DLGAP2: variants seen among roughly 807,000 people sequenced by gnomAD.
The protein encoded by DLGAP2 is DLG associated protein 2.
DLGAP2 carries 26 observed loss-of-function variants against 100.3 expected under a neutral mutation model. The ratio of observed to expected loss-of-function variants is 0.26; its 90% CI spans 0.19 to 0.36. The LOEUF is 0.36. DLGAP2 is among the 10% of genes least tolerant of loss of function. The probability of loss-of-function intolerance (pLI) is 1.00; values close to 1 mark genes in which losing one functional copy is unlikely to be tolerated. For missense variants in DLGAP2, 1,858 were observed against 1,453.2 expected (o/e 1.28, Z -4.53); for synonymous variants, 886 against 630.1 (o/e 1.41, Z -6.08).
chr8:1,199,876 G>A (rs1266527682), intron 2 of DLGAP2, among the ~76,000 whole-genome samples: 2 of 152,142 alleles, frequency 1.3e-5, no homozygotes, highest in East Asian at 1.9e-4. Flanking sequence ...GTCACTGGGT[G>A]GAGAGTGTGA....
At chr8:945,363 G>C (rs903441569) in intron 2 of DLGAP2, among the ~76,000 whole-genome samples, 1 of 152,208 alleles carries the variant, frequency 6.6e-6, no homozygotes, top group Non-Finnish European at 1.5e-5. Flanking sequence ...TATGGAGAAA[G>C]AGTGAGTTTC....
intron 6 of DLGAP2, among the ~76,000 whole-genome samples, chr8:1,625,953 C>T (rs2130767531): frequency 6.6e-6 from 1 of 152,232 alleles, no homozygotes; most frequent in East Asian, 1.9e-4. Context: ...CGGTCGTTCC[C>T]ATCTCTGGCC....
intron 1 of DLGAP2, among the ~76,000 whole-genome samples, chr8:755,007 T>C (rs1820887448): frequency 6.6e-6 from 1 of 152,164 alleles, no homozygotes; most frequent in African/African-American, 2.4e-5. Flanking sequence ...AGAAGAGGCT[T>C]TTGGCATGTC....
intron 3 of DLGAP2, among the ~76,000 whole-genome samples, chr8:1,365,402 C>G (rs542285366): frequency 1.3e-5 from 2 of 152,304 alleles, no homozygotes; most frequent in South Asian, 4.1e-4. Flanking sequence ...TCCACTGGCT[C>G]TCCTCTCCAA....
intron 1 of DLGAP2, among the ~76,000 whole-genome samples, chr8:804,337 A>G (rs1022427338): frequency 1.3e-5 from 2 of 152,162 alleles, no homozygotes; most frequent in Non-Finnish European, 2.9e-5. Flanking sequence ...TGTAAGTTCA[A>G]AGAGAGGCAG....
chr8:1,685,624 A>T (rs1195944358), intron 12 of DLGAP2, among the ~76,000 whole-genome samples: 1 of 152,196 alleles, frequency 6.6e-6, no homozygotes, highest in Non-Finnish European at 1.5e-5. Context: ...CAGCACAGGA[A>T]AAGGAAACAG....
At chr8:953,433 C>G (rs1799528363) in intron 2 of DLGAP2, among the ~76,000 whole-genome samples, 2 of 152,180 alleles carry the variant, frequency 1.3e-5, no homozygotes, top group South Asian at 4.1e-4. Flanking sequence ...ACGTCGTGAT[C>G]CACCCACATC....
rs184459827 is a variant in DLGAP2 at position 1,652,680 on chromosome 8, T to G, written c.1811-15649T>G. The stretch of plus-strand genomic sequence containing the variant: ...TGAATCAGTCCTTTCTGTGCACTTA[T>G]GTAAAACTTATTTTCATTCCTTATG... On this transcript the variant is annotated intron_variant, in intron 8 of 14. Transcript: ENST00000637795. Among the ~76,000 whole-genome samples the G allele has an allele frequency of 9.5e-4, 145 of 152,346 alleles. 1 individual carries two copies. The highest frequency in any genetic ancestry group is 3.2e-3 in the African/African-American group (132 of 41,582).
rs566778201 is a variant in DLGAP2 at position 1,273,509 on chromosome 8, G to T, written c.106+14626G>T. Among the ~76,000 whole-genome samples, 5 of 152,290 alleles carry T rather than the reference G, an allele frequency of 3.3e-5. No individual in the cohort carries two copies. In the South Asian group the frequency reaches 1.0e-3, roughly 32 times the overall value. Reference sequence around the variant, plus strand: ...GGATGACCAGGAGTCTCGAGCTGCGGCAGTTCACGTGCTCAAGTGTGGATG... The same window carrying T: ...GGATGACCAGGAGTCTCGAGCTGCGTCAGTTCACGTGCTCAAGTGTGGATG... On this transcript the variant is annotated intron_variant, in intron 3 of 14. Transcript: ENST00000637795.
At position 894,193 on chromosome 8, in the gene DLGAP2, G is replaced by T. The variant is rs374895819; in HGVS notation, c.19-13719G>T. Among the ~76,000 whole-genome samples, 5 of 152,310 alleles carry T rather than the reference G, an allele frequency of 3.3e-5. 1 individual carries two copies. The South Asian group carries it at 1.0e-3, about 32-fold the overall frequency. On this transcript the variant is annotated intron_variant, in intron 1 of 14. Transcript: ENST00000637795. ...AGCCCTTGGGTGGGAGACGCCCCCAGAGCAGCCTCCCTGCAGCCTGAGGTG... is the reference window on the plus strand; with the variant it reads ...AGCCCTTGGGTGGGAGACGCCCCCATAGCAGCCTCCCTGCAGCCTGAGGTG...
chr8:1,510,031 T>C (rs1378883152), intron 4 of DLGAP2, among the ~76,000 whole-genome samples: 3 of 152,242 alleles, frequency 2.0e-5, no homozygotes, highest in Non-Finnish European at 4.4e-5. Context: ...CTAATTTATT[T>C]GCATATTGCA....
intron 3 of DLGAP2, among the ~76,000 whole-genome samples, chr8:1,485,553 G>C (rs2130261670): frequency 6.6e-6 from 1 of 152,352 alleles, no homozygotes; most frequent in South Asian, 2.1e-4. Flanking sequence ...GTCCCACGTT[G>C]CGTCCATGTG....
intron 9 of DLGAP2, among the ~76,000 whole-genome samples, chr8:1,669,492 C>T (rs1022736075): frequency 3.3e-5 from 5 of 152,214 alleles, no homozygotes; most frequent in African/African-American, 7.2e-5. Context: ...GCCGTCAAGC[C>T]CTCTGCCAAC....
intron 2 of DLGAP2, among the ~76,000 whole-genome samples, chr8:1,024,127 G>A (rs1349049452): frequency 1.3e-5 from 2 of 151,046 alleles, no homozygotes; most frequent in African/African-American, 4.9e-5. Flanking sequence ...GTGGAGGAGT[G>A]GACAGTCCCA....
rs183682805 is a variant in DLGAP2, at chr8:974,225, C to A, written c.73+66259C>A. Among the ~76,000 whole-genome samples the A allele has an allele frequency of 2.3e-3, 345 of 152,156 alleles. 1 individual carries two copies. The highest frequency in any genetic ancestry group is 3.4e-3 in the Middle Eastern group (1 of 294). On this transcript the variant is annotated intron_variant, in intron 2 of 14. Transcript: ENST00000637795. Reference sequence around the variant, plus strand: ...CACAACTAAGCATTTCATATTCAAACTATAGAAAATCAAAGATGAAAATGA... The same window carrying A: ...CACAACTAAGCATTTCATATTCAAAATATAGAAAATCAAAGATGAAAATGA...
chr8:1,093,043 C>T (rs1450154828), intron 2 of DLGAP2, among the ~76,000 whole-genome samples: 2 of 107,824 alleles, frequency 1.9e-5, no homozygotes, highest in East Asian at 2.8e-4. Context: ...GCCAGTGCTG[C>T]AGCTGAGGCT....
At chr8:1,332,328 G>A (rs1801176381) in intron 3 of DLGAP2, among the ~76,000 whole-genome samples, 2 of 152,002 alleles carry the variant, frequency 1.3e-5, no homozygotes, top group African/African-American at 2.4e-5. Flanking sequence ...GTATGCGAGG[G>A]TATATGCATG....
At chr8:1,356,840 A>G (rs764823613) in intron 3 of DLGAP2, among the ~76,000 whole-genome samples, 5 of 152,210 alleles carry the variant, frequency 3.3e-5, no homozygotes, top group African/African-American at 1.2e-4. Context: ...GTAACACTAC[A>G]GTAAGGATAA....
chr8:1,485,250 G>T (rs1335022609), intron 3 of DLGAP2, among the ~76,000 whole-genome samples: 1 of 152,156 alleles, frequency 6.6e-6, no homozygotes, highest in African/African-American at 2.4e-5. Context: ...TTTTGATTAG[G>T]TTGATTAGCC....
Sources: gnomAD v4.1 joint callset for allele counts (sites outside exome capture counted in the v4.1 genomes callset) on GRCh38, gnomAD v4.1.1 for gene constraint, MANE v1.5 for transcripts, NCBI Gene and HGNC (gene_info 2026-07-23, HGNC 2026-07-21) for gene names.